GSE1: variants seen among roughly 807,000 people sequenced by gnomAD.
GSE1 encodes Gse1 coiled-coil protein.
GSE1 carries 32 observed loss-of-function variants against 112.6 expected under a neutral mutation model. That is an observed-to-expected ratio of 0.28 (90% CI 0.21 to 0.38). The LOEUF is 0.38. GSE1 is among the 10% of genes least tolerant of loss of function. GSE1 has a pLI of 1.00. For synonymous variants in GSE1, 1,115 were observed against 735.6 expected, an observed-to-expected ratio of 1.52 and a Z score of -8.35; for missense variants, 2,348 against 1,699.2, an observed-to-expected ratio of 1.38 and a Z score of -6.71.
intron 2 of GSE1, among the ~76,000 whole-genome samples, chr16:85,449,179 T>A (rs2151798358): frequency 6.6e-6 from 1 of 152,336 alleles, no homozygotes; most frequent in South Asian, 2.1e-4. Context: ...TCATTTTAAT[T>A]GGTCTTTGTG....
chr16:85,459,998 T>C (rs1018073299), intron 2 of GSE1, among the ~76,000 whole-genome samples: 15 of 152,206 alleles, frequency 9.9e-5, no homozygotes, highest in African/African-American at 3.4e-4. Flanking sequence ...CCCTGTTCCC[T>C]GTGATCCTGT....
At chr16:85,197,940 G>A (rs576823489) in intron 1 of GSE1, among the ~76,000 whole-genome samples, 2 of 152,308 alleles carry the variant, frequency 1.3e-5, no homozygotes, top group East Asian at 1.9e-4. Context: ...TGGATGTGTG[G>A]TGAGCACGCA....
At chr16:85,528,480 A>ATTT (rs11388377) in intron 2 of GSE1, among the ~76,000 whole-genome samples, 14 of 144,312 alleles carry the variant, frequency 9.7e-5, no homozygotes, top group South Asian at 4.4e-4. Context: ...CCCCCGGCTA[A>ATTT]TTTTTTTTTT....
chr16:85,409,397 A>G (rs1390142104), intron 2 of GSE1, among the ~76,000 whole-genome samples: 3 of 31,164 alleles, frequency 9.6e-5, no homozygotes, highest in African/African-American at 3.7e-4. Context: ...CCTCACTGTT[A>G]CACTCAGGGC....
intron 1 of GSE1, among the ~76,000 whole-genome samples, chr16:85,194,552 C>T (rs566247884): frequency 2.0e-5 from 3 of 152,238 alleles, no homozygotes; most frequent in African/African-American, 4.8e-5. Context: ...GGGAGGTGAC[C>T]GTGGACCCTT....
In GSE1 at chr16:85,419,582, G is replaced by A. The variant is rs2048780822; in HGVS notation, c.2464+61939G>A. Among the ~76,000 whole-genome samples, 1 of 150,392 alleles carries A rather than the reference G, an allele frequency of 6.6e-6. No homozygotes were observed. Among genetic ancestry groups the A allele is most frequent in the Non-Finnish European group, 1.5e-5 (1 of 67,756 alleles). ...GACTGCATCACTGTACTCCAGCCTG[G>A]GCAATAGAGCAAGGCTGTGTCTCAA... On this transcript the variant is annotated intron_variant, in intron 2 of 2. Coordinates refer to the GSE1 transcript ENST00000637419. The surrounding 1 kb of genome is among the most constrained non-coding windows in gnomAD (Gnocchi z 6.5).
intron 1 of GSE1, among the ~76,000 whole-genome samples, chr16:85,576,098 G>A (rs544972892): frequency 3.3e-5 from 5 of 152,224 alleles, no homozygotes; most frequent in Admixed American, 2.6e-4. Context: ...CAGGAATACC[G>A]GTGCCCTTTG....
upstream of GSE1, among the ~76,000 whole-genome samples, chr16:85,609,018 G>A (rs566817367): frequency 2.6e-5 from 4 of 152,190 alleles, no homozygotes; most frequent in South Asian, 2.1e-4. Context: ...TCCATCCTCC[G>A]CCAGGGCTAG....
intron 2 of GSE1, among the ~76,000 whole-genome samples, chr16:85,542,938 C>G (rs913076838): frequency 5.9e-5 from 9 of 152,160 alleles, no homozygotes; most frequent in African/African-American, 2.2e-4. Flanking sequence ...TTAAGAATGT[C>G]TCCTTGTAGC....
At chr16:85,279,344 A>T (rs940701801) in intron 1 of GSE1, among the ~76,000 whole-genome samples, 1 of 152,236 alleles carries the variant, frequency 6.6e-6, no homozygotes, top group Non-Finnish European at 1.5e-5. Flanking sequence ...GTGGTGGCTC[A>T]TGCCTGTAAT....
At chr16:85,594,244 G>A (rs868013699) in intron 1 of GSE1, 12 of 131,794 alleles carry the variant, frequency 9.1e-5, no homozygotes, top group African/African-American at 3.4e-4. Flanking sequence ...GGGGGGGGGG[G>A]GCGGAGGGGA....
chr16:85,189,107 G>A (rs1464836205), intron 1 of GSE1, among the ~76,000 whole-genome samples: 2 of 152,172 alleles, frequency 1.3e-5, no homozygotes, highest in Non-Finnish European at 2.9e-5. Flanking sequence ...CCACCATTAA[G>A]TCTTGACACA....
exon 1 of GSE1, chr16:85,170,925 G>C: frequency 3.0e-6 from 3 of 985,584 alleles, no homozygotes; most frequent in Non-Finnish European, 3.6e-6. Context: ...GGAGGCTCCC[G>C]AGGGAAGAGG....
chr16:85,273,889 G>A (rs553830507), intron 1 of GSE1, among the ~76,000 whole-genome samples: 3 of 150,770 alleles, frequency 2.0e-5, no homozygotes, highest in African/African-American at 4.9e-5. Context: ...TAGAGATGGG[G>A]TTTCACCATG....
intron 2 of GSE1, among the ~76,000 whole-genome samples, chr16:85,523,050 T>G (rs1055417909): frequency 6.6e-6 from 1 of 151,966 alleles, no homozygotes; most frequent in Non-Finnish European, 1.5e-5. Context: ...TTGTGTGCTG[T>G]GTGGCTATGT....
chr16:85,239,696 A>G (rs1343529403), intron 1 of GSE1, among the ~76,000 whole-genome samples: 1 of 152,212 alleles, frequency 6.6e-6, no homozygotes, highest in Non-Finnish European at 1.5e-5. Context: ...GGGTAACTCC[A>G]TACCCGACCT....
exon 1 of GSE1, chr16:85,169,894 G>C: frequency 1.0e-6 from 1 of 984,464 alleles, no homozygotes; most frequent in Non-Finnish European, 1.2e-6. Flanking sequence ...GTGCGACGCG[G>C]GCGCAGGCGG....
chr16:85,585,905 T>C (rs1214928859), intron 1 of GSE1, among the ~76,000 whole-genome samples: 3 of 152,158 alleles, frequency 2.0e-5, no homozygotes, highest in Admixed American at 2.0e-4. Context: ...CTGACAATTG[T>C]TAGCTGTGTG....
At chr16:85,259,498 G>T (rs1907443112) in intron 1 of GSE1, among the ~76,000 whole-genome samples, 2 of 152,262 alleles carry the variant, frequency 1.3e-5, no homozygotes, top group Admixed American at 6.5e-5. Context: ...GTGGGCTGGA[G>T]GCCCTCACGG....
Sources: gnomAD v4.1 joint callset for allele counts (sites outside exome capture counted in the v4.1 genomes callset) on GRCh38, gnomAD v4.1.1 for gene constraint, Gnocchi (gnomAD v3.1) non-coding constraint, MANE v1.5 for transcripts, NCBI Gene and HGNC (gene_info 2026-07-23, HGNC 2026-07-21) for gene names.